The following CHRNA9 variants were observed in gnomAD, a reference collection of about 807,000 sequenced individuals.
The protein encoded by CHRNA9 is cholinergic receptor nicotinic alpha 9 subunit, also known as neuronal acetylcholine receptor subunit alpha-9.
Under a neutral mutation model 36.8 loss-of-function variants are expected in CHRNA9, and 24 were observed. That is an observed-to-expected ratio of 0.65 (90% CI 0.47 to 0.92). CHRNA9 has a LOEUF of 0.92. Among genes scored for constraint, CHRNA9 ranks in the 40% least tolerant of loss-of-function variants. The pLI is 0.00. For synonymous variants in CHRNA9, 231 were observed against 231.8 expected (o/e 1.00, Z 0.03); for missense variants, 610 against 601.2 (o/e 1.01, Z -0.15).
At chr4:40,343,249 T>A (rs1291481584) in intron 3 of CHRNA9, among the ~76,000 whole-genome samples, 1 of 152,226 alleles carries the variant, frequency 6.6e-6, no homozygotes, top group Non-Finnish European at 1.5e-5. Context: ...TGTATTGGTC[T>A]GTTTTCATGT....
At chr4:40,339,279 C>CAAAAAAAAAAAAAA (rs61634062) in intron 3 of CHRNA9, among the ~76,000 whole-genome samples, 3 of 71,154 alleles carry the variant, frequency 4.2e-5, no homozygotes, top group African/African-American at 1.2e-4. Context: ...GACTCCATCT[C>CAAAAAAAAAAAAAA]AAAAAAAAAA....
rs576288605 is a variant in CHRNA9 at position 40,352,526 on chromosome 4, T to C, written c.899-1453T>C. Among the ~76,000 whole-genome samples the C allele has an allele frequency of 2.0e-5, 3 of 152,280 alleles. No individual in the cohort carries two copies. In the East Asian group the frequency reaches 5.8e-4, roughly 29 times the overall value. On this transcript the variant is annotated intron_variant, in intron 4 of 4. Coordinates refer to ENST00000310169, the MANE Select transcript of CHRNA9 (RefSeq NM_017581.4). ...AGGTGTGAGCCACCGTGCCCGACTA[T>C]ACAGTTATTTATAATATTGTACTAT...
chr4:40,337,250 G>A lies in CHRNA9; in HGVS notation c.251G>A (p.Arg84His), dbSNP rs1342521367. 9.3e-6 allele frequency: 15 copies of A among 1,613,982 alleles called. No homozygotes were observed. The South Asian group carries it at 1.1e-4, about 12-fold the overall frequency. The change falls in exon 3 of 5, where the codon CGC becomes CAC. Residue 84 changes from arginine (R) to histidine (H), a missense_variant. Physicochemically the swap from Arg to His is conservative, Grantham distance 29. Coordinates refer to ENST00000310169, the MANE Select transcript of CHRNA9 (RefSeq NM_017581.4). Reference protein sequence around the residue: ...NQILTAYLWIRQIWHDAYLTW... With the variant: ...NQILTAYLWIHQIWHDAYLTW... ...ATTCTGACTGCTTATTTGTGGATCC[G>A]CCAAATCTGGCACGATGCCTATCTC...
At chr4:40,340,821 T>G (rs1193724987) in intron 3 of CHRNA9, among the ~76,000 whole-genome samples, 1 of 151,972 alleles carries the variant, frequency 6.6e-6, no homozygotes, top group Non-Finnish European at 1.5e-5. Flanking sequence ...AATTTGCTGA[T>G]GCTTAGTTTG....
At chr4:40,338,971 A>G (rs753252440) in intron 3 of CHRNA9, among the ~76,000 whole-genome samples, 1 of 152,106 alleles carries the variant, frequency 6.6e-6, no homozygotes, top group Non-Finnish European at 1.5e-5. Context: ...GCAGGAGAGT[A>G]ATATCTGATA....
intron 4 of CHRNA9, 29 bp from the exon 5 acceptor site, chr4:40,353,950 T>G: frequency 4.5e-6 from 7 of 1,554,622 alleles, no homozygotes; most frequent in Non-Finnish European, 6.1e-6. Flanking sequence ...TTAAAGCAAA[T>G]TCAGTTACGG....
intron 3 of CHRNA9, among the ~76,000 whole-genome samples, chr4:40,341,867 T>C (rs1256844782): frequency 6.6e-6 from 1 of 152,244 alleles, no homozygotes; most frequent in East Asian, 1.9e-4. Context: ...GTCTCCTGAG[T>C]AGCTGGGACT....
At chr4:40,338,821 C>A (rs1712401343) in intron 3 of CHRNA9, among the ~76,000 whole-genome samples, 1 of 151,884 alleles carries the variant, frequency 6.6e-6, no homozygotes, top group Admixed American at 6.6e-5. Flanking sequence ...TACCCTCCCT[C>A]CCCGTGCTCG....
chr4:40,347,204 T>A (rs114929155), intron 3 of CHRNA9, among the ~76,000 whole-genome samples: 7,757 of 152,270 alleles, frequency 0.051, 613 homozygotes, highest in African/African-American at 0.17. Context: ...GATTGTAGTG[T>A]GCTTGTCACC....
intron 3 of CHRNA9, among the ~76,000 whole-genome samples, chr4:40,348,664 T>C (rs1712703353): frequency 6.6e-6 from 1 of 152,112 alleles, no homozygotes; most frequent in Non-Finnish European, 1.5e-5. Context: ...AGAGATGCTT[T>C]AAAGGAAGAA....
rs533024809 is a variant in CHRNA9, at chr4:40,348,929, G to T, written c.413G>T (p.Arg138Leu). The change falls in exon 4 of 5, where the codon CGG (arginine) becomes CTG (leucine). Residue 138 changes from arginine to leucine, a missense_variant. Arg to Leu is a moderately radical substitution (Grantham distance 102, BLOSUM62 -2). Transcript: ENST00000310169. ...SEPVNTNVVL[R>L]YDGLITWDAP... is the part of the protein sequence containing the mutation. Reference sequence around the variant, plus strand: ...CCTGTGAACACCAATGTGGTCCTGCGGTATGATGGGCTGATCACCTGGGAT... The same window carrying T: ...CCTGTGAACACCAATGTGGTCCTGCTGTATGATGGGCTGATCACCTGGGAT... 1.2e-6 allele frequency: 2 copies of T among 1,614,086 alleles called. No homozygotes were observed. Among genetic ancestry groups the T allele is most frequent in the Admixed American group, 1.7e-5 (1 of 60,014 alleles).
intron 3 of CHRNA9, among the ~76,000 whole-genome samples, chr4:40,341,313 T>C (rs536348041): frequency 1.8e-4 from 26 of 148,184 alleles, no homozygotes; most frequent in Non-Finnish European, 3.4e-4. Flanking sequence ...GTGGCGGTAG[T>C]TTGCTCTGTC....
chr4:40,342,223 A>G (rs978731594), intron 3 of CHRNA9, among the ~76,000 whole-genome samples: 1 of 152,194 alleles, frequency 6.6e-6, no homozygotes, highest in Non-Finnish European at 1.5e-5. Context: ...TCCAGAAGAG[A>G]CTGGAAATAA....
chr4:40,352,568 A>G (rs1288821019), intron 4 of CHRNA9, among the ~76,000 whole-genome samples: 1 of 151,852 alleles, frequency 6.6e-6, no homozygotes, highest in South Asian at 2.1e-4. Context: ...AGTCTTTTCC[A>G]TCTTCTCTCT....
Position 40,354,332 on chromosome 4 carries a change from T to G in CHRNA9, c.1252T>G (p.Cys418Gly), listed in dbSNP as rs906679239. 5.6e-6 allele frequency: 9 copies of G among 1,614,056 alleles called. No homozygotes were observed. Among genetic ancestry groups the G allele is most frequent in the African/African-American group, 1.3e-5 (1 of 74,920 alleles). The change falls in exon 5 of 5, where the codon TGT (cysteine) becomes GGT (glycine). Residue 418 changes from cysteine (C) to glycine (G), a missense_variant. Cys to Gly is a radical substitution (Grantham distance 159). Coordinates refer to ENST00000310169, the MANE Select transcript of CHRNA9 (RefSeq NM_017581.4). ...GKNPQEAESY[C>G]AQYKVLTRNI... is the part of the protein sequence containing the mutation. ...GAACCCTCAGGAGGCCGAGAGTTAC[T>G]GTGCACAGTACAAAGTGCTGACGAG...
intron 2 of CHRNA9, among the ~76,000 whole-genome samples, chr4:40,336,891 T>G (rs2109676202): frequency 6.6e-6 from 1 of 152,344 alleles, no homozygotes; most frequent in South Asian, 2.1e-4. Flanking sequence ...TTCTGCACAT[T>G]GTTATTTCCT....
intron 3 of CHRNA9, among the ~76,000 whole-genome samples, chr4:40,347,447 G>A (rs1712667185): frequency 6.6e-6 from 1 of 152,216 alleles, no homozygotes; most frequent in Non-Finnish European, 1.5e-5. Flanking sequence ...TAACTATGGT[G>A]TATCTAATAT....
At chr4:40,345,512 G>A (rs1214715484) in intron 3 of CHRNA9, among the ~76,000 whole-genome samples, 1 of 152,080 alleles carries the variant, frequency 6.6e-6, no homozygotes, top group East Asian at 1.9e-4. Flanking sequence ...AGGAGTTTGA[G>A]ATCAGCCTGG....
chr4:40,339,602 C>T (rs1712441548), intron 3 of CHRNA9, among the ~76,000 whole-genome samples: 1 of 142,742 alleles, frequency 7.0e-6, no homozygotes, highest in Admixed American at 7.2e-5. Flanking sequence ...GGAGGCGGAG[C>T]TTGCAGTGAG....
Sources: allele counts gnomAD v4.1 joint callset (sites outside exome capture counted in the v4.1 genomes callset), GRCh38; gene constraint gnomAD v4.1.1; transcripts MANE v1.5; gene names NCBI Gene and HGNC (gene_info 2026-07-23, HGNC 2026-07-21).